Variants in PIK3CD observed in about 807,000 individuals in gnomAD.
PIK3CD encodes phosphatidylinositol 4,5-bisphosphate 3-kinase catalytic subunit delta isoform.
PIK3CD carries 20 observed loss-of-function variants against 122.9 expected under a neutral mutation model. That is an observed-to-expected ratio of 0.16 (90% CI 0.11 to 0.24). The LOEUF (loss-of-function observed/expected upper bound fraction) is 0.24, where lower values mean the gene tolerates loss of function less well. PIK3CD is among the 10% of genes least tolerant of loss of function. The pLI, the probability that PIK3CD is intolerant of heterozygous loss-of-function variation, is 1.00. For synonymous variants in PIK3CD, 596 were observed against 593.4 expected (o/e 1.00, Z -0.06); for missense variants, 787 against 1,406.3 (o/e 0.56, Z 7.04).
chr1:9,723,842 C>T lies in PIK3CD; in HGVS notation c.2595-127C>T, dbSNP rs1649071218. 2 of 839,334 alleles carry T rather than the reference C, an allele frequency of 2.4e-6. No homozygotes were observed. The highest frequency in any genetic ancestry group is 1.7e-5 in the African/African-American group (1 of 59,688). 52.0% of individuals were successfully genotyped at this position (839,334 alleles called of 1,614,324 possible). On this transcript the variant is annotated intron_variant, in intron 20 of 23. Transcript: ENST00000377346. This position sits in a 1 kb window ranked among gnomAD's most constrained non-coding sequence, Gnocchi z 4.9. Reference sequence around the variant, plus strand: ...CTGCAAGCGATGTCCAGCATTGTGTCCTCCATGTTCTGTTGGTCAAAGCAA... The same window carrying T: ...CTGCAAGCGATGTCCAGCATTGTGTTCTCCATGTTCTGTTGGTCAAAGCAA...
chr1:9,643,491 G>A, the PIK3CD span, among the ~76,000 whole-genome samples: 2 of 136,986 alleles, frequency 1.5e-5, no homozygotes, highest in African/African-American at 5.4e-5. Flanking sequence ...GAGGGAGGGA[G>A]GGAGGGAAGG....
intron 1 of PIK3CD, among the ~76,000 whole-genome samples, chr1:9,665,887 G>A (rs12087498): frequency 0.027 from 4,122 of 151,818 alleles, 187 homozygotes; most frequent in African/African-American, 0.092. Context: ...CCAAGTAGCT[G>A]GGACTACAGC....
chr1:9,629,920 G>C, the PIK3CD span, among the ~76,000 whole-genome samples: 1 of 152,106 alleles, frequency 6.6e-6, no homozygotes, highest in African/African-American at 2.4e-5. Flanking sequence ...CATGGGGTGA[G>C]GGGGGAGTGG....
Position 9,721,801 on chromosome 1 carries a change from C to G in PIK3CD, c.1996C>G (p.Leu666Val), listed in dbSNP as rs1648712595. 1.2e-6 allele frequency: 2 copies of G among 1,613,264 alleles called. No individual in the cohort carries two copies. Among genetic ancestry groups the G allele is most frequent in the Admixed American group, 1.7e-5 (1 of 60,030 alleles). Residue 666 changes from leucine (L) to valine (V), a missense_variant, in exon 16 of 24, where the codon CTC becomes GTC. Transcript: ENST00000377346. ...HVPSVALRFG[L>V]ILEAYCRGST... ...GCCGTCGGTGGCCCTGCGCTTCGGC[C>G]TCATCCTGGAGGCCTACTGCAGGGG...
In PIK3CD at chr1:9,727,603, A is replaced by AAAG. The variant is rs1649871728; in HGVS notation, c.*558_*560dup. 2 of 221,648 alleles carry AAAG rather than the reference A, an allele frequency of 9.0e-6. No homozygotes were observed. The highest frequency in any genetic ancestry group is 4.6e-5 in the African/African-American group (2 of 43,706). The allele number at this position is 221,648 out of a possible 1,614,324, so 13.7% of individuals were successfully genotyped here. A position where few individuals can be genotyped will look rare whatever the true frequency, so the allele number is the denominator to read the frequency against. ...GAATTCCCTCATCTTTCTCTACTGTAAAGTGATTTTGTTTGCAGGTAAGAA... is the reference window on the plus strand; with the variant it reads ...GAATTCCCTCATCTTTCTCTACTGTAAAGAAGTGATTTTGTTTGCAGGTAAGAA... On this transcript the variant is annotated 3_prime_UTR_variant, in exon 24 of 24. Transcript: ENST00000377346.
chr1:9,681,808 G>A (rs1252168216), intron 1 of PIK3CD, among the ~76,000 whole-genome samples: 3 of 152,176 alleles, frequency 2.0e-5, no homozygotes, highest in African/African-American at 7.2e-5. Flanking sequence ...GCTACACAAC[G>A]GTGAGAATCT....
chr1:9,725,503 C>T (rs963597634), intron 23 of PIK3CD, among the ~76,000 whole-genome samples: 3 of 151,940 alleles, frequency 2.0e-5, no homozygotes, highest in South Asian at 4.2e-4. Context: ...TGCAGTGAGC[C>T]GAGATTGTGC....
Position 9,722,458 on chromosome 1 carries a change from C to T in PIK3CD, c.2348-70C>T. 1.3e-6 allele frequency: 2 copies of T among 1,545,914 alleles called. No homozygotes were observed. The highest frequency in any genetic ancestry group is 1.8e-6 in the Non-Finnish European group (2 of 1,118,640). On this transcript the variant is annotated intron_variant, in intron 18 of 23. Transcript: ENST00000377346. This position sits in a 1 kb window ranked among gnomAD's most constrained non-coding sequence, Gnocchi z 7.6. Reference sequence around the variant, plus strand: ...AAGACAGAATCCTGGGACTTAAGGGCTTGGGTGTAGCTGGAAGCAGAGAAC... The same window carrying T: ...AAGACAGAATCCTGGGACTTAAGGGTTTGGGTGTAGCTGGAAGCAGAGAAC...
chr1:9,638,156 CGTGA>C, the PIK3CD span, among the ~76,000 whole-genome samples: 571 of 151,758 alleles, frequency 3.8e-3, 2 homozygotes, highest in African/African-American at 0.013. Context: ...AGGAGCTCTA[CGTGA>C]GTAAGCAGTG....
intron 2 of PIK3CD, among the ~76,000 whole-genome samples, chr1:9,692,227 C>G (rs571182356): frequency 1.3e-5 from 2 of 152,180 alleles, no homozygotes; most frequent in Admixed American, 1.3e-4. Context: ...CTGCCGGTCC[C>G]CTTGCAAGCT....
intron 2 of PIK3CD, among the ~76,000 whole-genome samples, chr1:9,699,774 A>G (rs948773674): frequency 6.6e-6 from 1 of 152,064 alleles, no homozygotes; most frequent in Non-Finnish European, 1.5e-5. Context: ...TATTTTTTAA[A>G]TAGAGACAGG....
the PIK3CD span, among the ~76,000 whole-genome samples, chr1:9,640,421 A>G: frequency 2.0e-5 from 3 of 151,990 alleles, no homozygotes; most frequent in African/African-American, 7.2e-5. Context: ...CTCTCCTAAA[A>G]ATACAAAAAT....
intron 3 of PIK3CD, among the ~76,000 whole-genome samples, chr1:9,713,766 T>TTA (rs1557657251): frequency 1.1e-4 from 17 of 151,126 alleles, no homozygotes; most frequent in African/African-American, 3.2e-4. Flanking sequence ...AATTTTATTT[T>TTA]TTATTATTAT....
chr1:9,701,296 G>A (rs1448607816), intron 2 of PIK3CD, among the ~76,000 whole-genome samples: 2 of 152,056 alleles, frequency 1.3e-5, no homozygotes, highest in African/African-American at 4.8e-5. Context: ...CCTGCACCTC[G>A]TGTAATTTCT....
rs1254692844 is a variant in PIK3CD at position 9,652,001 on chromosome 1, T to C, written c.-138+199T>C. ...CTGGGAGCCCCGGGGGCCGGGCTGCTGGGACCTGGGCGGGGGCTGCCCTAG... is the reference window on the plus strand; with the variant it reads ...CTGGGAGCCCCGGGGGCCGGGCTGCCGGGACCTGGGCGGGGGCTGCCCTAG... On this transcript the variant is annotated intron_variant, in intron 1 of 23. Transcript: ENST00000377346. The surrounding 1 kb of genome is among the most constrained non-coding windows in gnomAD (Gnocchi z 6.2). Among the ~76,000 whole-genome samples the C allele has an allele frequency of 1.3e-5, 2 of 151,634 alleles. No homozygotes were observed. Among genetic ancestry groups the C allele is most frequent in the African/African-American group, 4.8e-5 (2 of 41,310 alleles).
intron 1 of PIK3CD, among the ~76,000 whole-genome samples, chr1:9,673,058 T>C (rs1192445129): frequency 6.6e-6 from 1 of 151,910 alleles, no homozygotes; most frequent in Non-Finnish European, 1.5e-5. Context: ...TCTTTCTGTA[T>C]GAGGCGTACA....
chr1:9,663,998 G>A (rs1022189563), intron 1 of PIK3CD, among the ~76,000 whole-genome samples: 3 of 151,184 alleles, frequency 2.0e-5, no homozygotes, highest in African/African-American at 4.9e-5. Flanking sequence ...GAAGAGGTCC[G>A]ACTTCAATGC....
At chr1:9,632,238 C>T in the PIK3CD span, among the ~76,000 whole-genome samples, 2 of 152,104 alleles carry the variant, frequency 1.3e-5, no homozygotes, top group Non-Finnish European at 2.9e-5. Context: ...TCTCAAACTC[C>T]CGACCTCAGG....
rs1298540224 is a variant in PIK3CD at position 9,727,249 on chromosome 1, A to G, written c.*203A>G. 8 of 640,196 alleles carry G rather than the reference A, an allele frequency of 1.2e-5. No individual in the cohort carries two copies. The highest frequency in any genetic ancestry group is 7.9e-5 in the Admixed American group (3 of 38,190). The allele number at this position is 640,196 out of a possible 1,614,324, so 39.7% of individuals were successfully genotyped here. A position where few individuals can be genotyped will look rare whatever the true frequency, so the allele number is the denominator to read the frequency against. ...AGCCATAAACGGAAACGCCTCCTTC[A>G]TGCAGCGGCGGTGCTGGGCCCCCCG... On this transcript the variant is annotated 3_prime_UTR_variant, in exon 24 of 24. Coordinates refer to ENST00000377346, the MANE Select transcript of PIK3CD (RefSeq NM_005026.5).
Sources: gnomAD v4.1 joint callset for allele counts (sites outside exome capture counted in the v4.1 genomes callset) on GRCh38, gnomAD v4.1.1 for gene constraint, Gnocchi (gnomAD v3.1) non-coding constraint, MANE v1.5 for transcripts, NCBI Gene and HGNC (gene_info 2026-07-23, HGNC 2026-07-21) for gene names.